UBA6: variants seen among roughly 807,000 people sequenced by gnomAD.
UBA6 encodes the protein ubiquitin like modifier activating enzyme 6.
Under a neutral mutation model 148.3 loss-of-function variants are expected in UBA6, and 87 were observed. The ratio of observed to expected loss-of-function variants is 0.59; its 90% CI spans 0.49 to 0.70. UBA6 has a LOEUF of 0.70. Among genes scored for constraint, UBA6 ranks in the 30% least tolerant of loss-of-function variants. The pLI is 0.00. For missense variants in UBA6, 1,186 were observed against 1,241.2 expected, an observed-to-expected ratio of 0.96 and a Z score of 0.67; for synonymous variants, 376 against 401.0, an observed-to-expected ratio of 0.94 and a Z score of 0.75.
chr4:67,679,508 A>G (rs1415512648), intron 4 of UBA6, among the ~76,000 whole-genome samples: 1 of 152,140 alleles, frequency 6.6e-6, no homozygotes, highest in Non-Finnish European at 1.5e-5. Flanking sequence ...GTGACTTTTA[A>G]AAGCAGTTAA....
intron 13 of UBA6, among the ~76,000 whole-genome samples, chr4:67,655,177 T>C (rs1269370681): frequency 6.6e-6 from 1 of 152,212 alleles, no homozygotes; most frequent in East Asian, 1.9e-4. Flanking sequence ...AACTCAGCTC[T>C]GCACCAAGTG....
At chr4:67,696,162 G>A (rs1426545157) in intron 2 of UBA6, among the ~76,000 whole-genome samples, 1 of 152,090 alleles carries the variant, frequency 6.6e-6, no homozygotes, top group East Asian at 1.9e-4. Context: ...TTCTCTAGAT[G>A]TTATTGTATG....
intron 21 of UBA6, 39 bp downstream of exon 21, chr4:67,634,390 C>T: frequency 6.4e-7 from 1 of 1,555,646 alleles, no homozygotes; most frequent in Non-Finnish European, 8.6e-7. Context: ...TATCTTCTTT[C>T]TCACTTCAAA....
In UBA6 at chr4:67,614,238, G is replaced by A. The variant is rs984513682; in HGVS notation, c.*4759C>T. 2.0e-5 allele frequency: 3 copies of A among 152,316 alleles called. No individual in the cohort carries two copies. Among genetic ancestry groups the A allele is most frequent in the African/African-American group, 7.2e-5 (3 of 41,570 alleles). The allele number at this position is 152,316 out of a possible 1,614,324, so 9.4% of individuals were successfully genotyped here. ...ACCCTGGAAGCCCCCGCTTTGAGTT[G>A]TCCTGCCTTTCTGAACCAAACCAAT... On this transcript the variant is annotated 3_prime_UTR_variant, in exon 33 of 33. Transcript: ENST00000322244.
At chr4:67,645,037 T>C (rs940326321) in intron 16 of UBA6, among the ~76,000 whole-genome samples, 1 of 152,086 alleles carries the variant, frequency 6.6e-6, no homozygotes, top group Non-Finnish European at 1.5e-5. Flanking sequence ...AAAAAAAAGA[T>C]TCCTCCCTTT....
rs746548226 is a variant in UBA6, at chr4:67,641,232, A to G, written c.1477-4T>C. On this transcript the variant is annotated splice_polypyrimidine_tract_variant and splice_region_variant and intron_variant, in intron 17 of 32. Transcript: ENST00000322244. ...AGTCAGGATCTGTAACTGTAATCTAATATCAAGAAAATATGGCTGAAATTA... is the reference window on the plus strand; with the variant it reads ...AGTCAGGATCTGTAACTGTAATCTAGTATCAAGAAAATATGGCTGAAATTA... The G allele has an allele frequency of 6.5e-7, 1 of 1,531,042 alleles. No homozygotes were observed. The highest frequency in any genetic ancestry group is 8.9e-7 in the Non-Finnish European group (1 of 1,119,506). The allele number at this position is 1,531,042 out of a possible 1,614,324, so 94.8% of individuals were successfully genotyped here. A position where few individuals can be genotyped will look rare whatever the true frequency, so the allele number is the denominator to read the frequency against.
intron 8 of UBA6, among the ~76,000 whole-genome samples, chr4:67,669,570 A>C (rs181186461): frequency 9.3e-4 from 141 of 152,280 alleles, no homozygotes; most frequent in Non-Finnish European, 1.8e-3. Flanking sequence ...ATTTAGGTAA[A>C]ATAATATTAA....
intron 28 of UBA6, among the ~76,000 whole-genome samples, chr4:67,625,407 A>AC (rs924238301): frequency 2.0e-5 from 3 of 151,760 alleles, no homozygotes; most frequent in Non-Finnish European, 4.4e-5. Flanking sequence ...AAAAAAAAAA[A>AC]AACGATGGTT....
In UBA6 at chr4:67,613,463, A is replaced by C. The variant is rs1283931031; in HGVS notation, c.*5534T>G. On this transcript the variant is annotated 3_prime_UTR_variant, in exon 33 of 33. Transcript: ENST00000322244. The stretch of plus-strand genomic sequence containing the variant: ...AGATAAGAAATTGAAAATTTCAGCA[A>C]GACAATTAGAAACTGCAGGAGTGAC... 4 of 152,222 alleles carry C rather than the reference A, an allele frequency of 2.6e-5. No homozygotes were observed. The East Asian group carries it at 5.8e-4, about 22-fold the overall frequency. 9.4% of individuals were successfully genotyped at this position (152,222 alleles called of 1,614,324 possible).
At chr4:67,656,695 A>T (rs1173159581) in intron 13 of UBA6, among the ~76,000 whole-genome samples, 1 of 152,222 alleles carries the variant, frequency 6.6e-6, no homozygotes, top group East Asian at 1.9e-4. Context: ...ATCAGGCAAG[A>T]GAAAGAAATA....
At chr4:67,681,373 C>T (rs1481499618) in intron 4 of UBA6, among the ~76,000 whole-genome samples, 190 bp downstream of exon 4, 1 of 151,978 alleles carries the variant, frequency 6.6e-6, no homozygotes, top group Non-Finnish European at 1.5e-5. Flanking sequence ...GTAACTGATG[C>T]TTTCTGATGG....
At chr4:67,675,263 T>C (rs1283733848) in intron 6 of UBA6, among the ~76,000 whole-genome samples, 4 of 152,258 alleles carry the variant, frequency 2.6e-5, no homozygotes, top group African/African-American at 9.6e-5. Context: ...TTTTAATTTT[T>C]AAGACTTCAT....
At chr4:67,661,593 G>C (rs1729858455) in intron 13 of UBA6, 1 of 152,286 alleles carries the variant, frequency 6.6e-6, no homozygotes, top group Non-Finnish European at 1.5e-5. Context: ...ATAGCAGTGT[G>C]AGAATGGACT....
chr4:67,688,686 A>T (rs1398136798), intron 2 of UBA6, among the ~76,000 whole-genome samples: 1 of 152,098 alleles, frequency 6.6e-6, no homozygotes, highest in African/African-American at 2.4e-5. Context: ...CTCCAGAAAG[A>T]TGCTTTGTTC....
chr4:67,643,295 T>A (rs1729349969), intron 17 of UBA6, among the ~76,000 whole-genome samples: 1 of 152,004 alleles, frequency 6.6e-6, no homozygotes. Flanking sequence ...TTGCCATGGC[T>A]GATTCTTGTG....
chr4:67,620,576 AG>A (rs1728729265), intron 32 of UBA6, among the ~76,000 whole-genome samples: 1 of 152,214 alleles, frequency 6.6e-6, no homozygotes, highest in Non-Finnish European at 1.5e-5. Flanking sequence ...ACAAATAAGT[AG>A]GCCAGTGTAG....
At chr4:67,635,877 C>G (rs1367649705) in intron 19 of UBA6, among the ~76,000 whole-genome samples, 1 of 152,142 alleles carries the variant, frequency 6.6e-6, no homozygotes, top group East Asian at 1.9e-4. Context: ...TTCTACCACA[C>G]TATCTCTTCT....
chr4:67,650,203 T>TTACC (rs2109920867), intron 13 of UBA6, among the ~76,000 whole-genome samples: 1 of 152,304 alleles, frequency 6.6e-6, no homozygotes, highest in African/African-American at 2.4e-5. Flanking sequence ...AAGTGGGTAC[T>TTACC]TACCATGCCA....
chr4:67,638,580 T>C lies in UBA6; in HGVS notation c.1736+363A>G, dbSNP rs1470415984. On this transcript the variant is annotated intron_variant, in intron 19 of 32. Coordinates refer to ENST00000322244, the MANE Select transcript of UBA6 (RefSeq NM_018227.6). The stretch of plus-strand genomic sequence containing the variant: ...GGAGTTACTCCTTCTATGTTTTCTA[T>C]TGCAGTGGGACTCACCCCAAAGTAT... Among the ~76,000 whole-genome samples the C allele has an allele frequency of 3.3e-5, 5 of 152,120 alleles. No individual in the cohort carries two copies. In the East Asian group the frequency reaches 5.8e-4, roughly 18 times the overall value.
Sources: allele counts gnomAD v4.1 joint callset (sites outside exome capture counted in the v4.1 genomes callset), GRCh38; gene constraint gnomAD v4.1.1; transcripts MANE v1.5; gene names NCBI Gene and HGNC (gene_info 2026-07-23, HGNC 2026-07-21).